Variants in FLT1 observed in about 807,000 individuals in gnomAD.
FLT1 encodes the protein vascular endothelial growth factor receptor 1.
A neutral mutation model predicts 156.3 loss-of-function variants in FLT1; 49 were observed. That is an observed-to-expected ratio of 0.31 (90% confidence interval 0.25 to 0.40). The LOEUF is 0.40. Among genes scored for constraint, FLT1 ranks in the 10% least tolerant of loss-of-function variants. FLT1 has a pLI of 1.00. For synonymous variants in FLT1, 594 were observed against 583.8 expected, an observed-to-expected ratio of 1.02 and a Z score of -0.25; for missense variants, 1,322 against 1,637.2, an observed-to-expected ratio of 0.81 and a Z score of 3.32.
At chr13:28,478,328 G>A (rs983540516) in intron 1 of FLT1, among the ~76,000 whole-genome samples, 1 of 152,148 alleles carries the variant, frequency 6.6e-6, no homozygotes, top group African/African-American at 2.4e-5. Context: ...ATTACAGTTT[G>A]GTCTATGTCC....
intron 13 of FLT1, chr13:28,386,048 C>A (rs1228020406): frequency 3.8e-6 from 4 of 1,053,482 alleles, no homozygotes; most frequent in Non-Finnish European, 4.6e-6. Flanking sequence ...AGAGTTTTGG[C>A]ATAACTGACA....
chr13:28,415,461 A>C (rs995764259), intron 10 of FLT1, among the ~76,000 whole-genome samples: 1 of 152,168 alleles, frequency 6.6e-6, no homozygotes, highest in African/African-American at 2.4e-5. Flanking sequence ...AGCCTGGGCA[A>C]CAACAGCAAA....
chr13:28,436,729 G>A (rs1435483063), intron 4 of FLT1, among the ~76,000 whole-genome samples: 1 of 152,126 alleles, frequency 6.6e-6, no homozygotes, highest in African/African-American at 2.4e-5. Flanking sequence ...TACAGTATTG[G>A]GTGTTAAACT....
At chr13:28,326,548 C>T (rs1362962592) in intron 20 of FLT1, among the ~76,000 whole-genome samples, 11 of 110,082 alleles carry the variant, frequency 1.0e-4, no homozygotes, top group Admixed American at 3.8e-4. Context: ...TTTTTTGAGA[C>T]GGAGTCTCAC....
intron 14 of FLT1, among the ~76,000 whole-genome samples, chr13:28,370,911 A>C (rs967840009): frequency 6.6e-6 from 1 of 152,148 alleles, no homozygotes; most frequent in African/African-American, 2.4e-5. Context: ...GACTCTAATG[A>C]CCATTTTAAG....
Position 28,317,522 on chromosome 13 carries a change from G to A in FLT1, c.3362C>T (p.Ala1121Val). The change falls in exon 25 of 30, where the codon GCT (alanine) becomes GTT (valine). Residue 1121 changes from alanine (A) to valine (V), a missense_variant. By Grantham distance (64) the Ala-to-Val change is moderately conservative. Coordinates refer to ENST00000282397, the MANE Select transcript of FLT1 (RefSeq NM_002019.4). ...SRLREGMRMRAPEYSTPEIYQ... is the reference protein window; with the variant it reads ...SRLREGMRMRVPEYSTPEIYQ... ...CATTTCAGGAGTAGAGTACTCAGGA[G>A]CTCTCATCCTCATGCCTTCCCTCAG... The A allele has an allele frequency of 6.2e-7, 1 of 1,612,824 alleles. No individual in the cohort carries two copies. Among genetic ancestry groups the A allele is most frequent in the South Asian group, 1.1e-5 (1 of 91,048 alleles).
intron 11 of FLT1, among the ~76,000 whole-genome samples, chr13:28,398,867 A>T (rs1386715912): frequency 6.6e-6 from 1 of 152,202 alleles, no homozygotes; most frequent in African/African-American, 2.4e-5. Flanking sequence ...TCATACAAAA[A>T]TTATTCTCTC....
In FLT1 at chr13:28,317,554, G is replaced by A. The variant is rs2138822530; in HGVS notation, c.3330C>T (p.Cys1110=). 1 of 1,613,980 alleles carries A rather than the reference G, an allele frequency of 6.2e-7. No homozygotes were observed. Among genetic ancestry groups the A allele is most frequent in the Non-Finnish European group, 8.5e-7 (1 of 1,179,862 alleles). Residue 1110 remains cysteine (C), a synonymous_variant, in exon 25 of 30, where the codon TGC becomes TGT. Coordinates refer to ENST00000282397, the MANE Select transcript of FLT1 (RefSeq NM_002019.4). ...YPGVQMDEDF[C]SRLREGMRMR... is the part of the protein sequence containing the mutation. ...TCCTCATGCCTTCCCTCAGGCGACT[G>A]CAAAAGTCCTCATCCATTTGTACTC... is the stretch of plus-strand genomic sequence containing the variant.
At chr13:28,438,605 T>C (rs1878169795) in intron 3 of FLT1, among the ~76,000 whole-genome samples, 1 of 152,176 alleles carries the variant, frequency 6.6e-6, no homozygotes, top group Admixed American at 6.5e-5. Flanking sequence ...ATATGCAATG[T>C]GGTATGGGGG....
At chr13:28,390,688 C>T (rs1211150796) in intron 12 of FLT1, among the ~76,000 whole-genome samples, 1 of 152,208 alleles carries the variant, frequency 6.6e-6, no homozygotes, top group East Asian at 1.9e-4. Flanking sequence ...TGAGCCACTG[C>T]ACCTGGCCTC....
rs776912246 is a variant in FLT1, at chr13:28,303,261, G to A, written c.3923C>T (p.Thr1308Ile). 6.2e-7 allele frequency: 1 copy of A among 1,614,022 alleles called. No homozygotes were observed. Among genetic ancestry groups the A allele is most frequent in the South Asian group, 1.1e-5 (1 of 91,074 alleles). ...CCTTTCCAGCTCAGCGTGGTCGTAG[G>A]TGAACCTGCGCTTGCCTTCGCTGAC... ...GHVSEGKRRF[T>I]YDHAELERKI... Residue 1308 changes from threonine (T) to isoleucine (I), a missense_variant, in exon 30 of 30, where the codon ACC (threonine) becomes ATC (isoleucine). Transcript: ENST00000282397.
chr13:28,321,489 T>C lies in FLT1; in HGVS notation c.3148A>G (p.Asn1050Asp). 1 of 1,614,148 alleles carries C rather than the reference T, an allele frequency of 6.2e-7. No homozygotes were observed. The highest frequency in any genetic ancestry group is 8.5e-7 in the Non-Finnish European group (1 of 1,179,978). Reference protein sequence around the residue: ...DFGLARDIYKNPDYVRKGDTR... With the variant: ...DFGLARDIYKDPDYVRKGDTR... ...TCTCCTTTTCTCACATAATCGGGGT[T>C]CTTATAAATATCCCGGGCAAGGCCA... Residue 1050 changes from asparagine to aspartate, a missense_variant, in exon 23 of 30, where the codon AAC becomes GAC. By Grantham distance (23) the Asn-to-Asp change is conservative (BLOSUM62 1). This residue lies in a region of FLT1 where 329 missense variants were observed against 366.2 expected (regional missense o/e 0.90). Transcript: ENST00000282397.
rs1309320492 is a variant in FLT1 at position 28,494,820 on chromosome 13, C to G, written c.24G>C (p.Gly8=). Residue 8 remains glycine (G), a synonymous_variant, in exon 1 of 30, where the codon GGG becomes GGC. Coordinates refer to ENST00000282397, the MANE Select transcript of FLT1 (RefSeq NM_002019.4). ...AGCTGAGCAGCGCGCACAGCAGGAC[C>G]CCGGTGTCCCAGTAGCTGACCATGG... The part of the protein sequence containing the change: MVSYWDT[G]VLLCALLSCL... The G allele has an allele frequency of 1.3e-6, 2 of 1,573,072 alleles. No homozygotes were observed. Among genetic ancestry groups the G allele is most frequent in the African/African-American group, 1.4e-5 (1 of 73,138 alleles).
intron 18 of FLT1, among the ~76,000 whole-genome samples, chr13:28,331,544 C>A (rs1047728303): frequency 6.6e-6 from 1 of 152,214 alleles, no homozygotes; most frequent in Admixed American, 6.5e-5. Flanking sequence ...GATTCTCCTG[C>A]CTCAGCCTCT....
At chr13:28,430,894 G>A (rs922379198) in intron 7 of FLT1, among the ~76,000 whole-genome samples, 3 of 152,026 alleles carry the variant, frequency 2.0e-5, no homozygotes, top group African/African-American at 4.8e-5. Flanking sequence ...GGTTCTAACC[G>A]AATTATTAGC....
At chr13:28,387,455 A>G in intron 13 of FLT1, 1 of 1,058,736 alleles carries the variant, frequency 9.4e-7, no homozygotes, top group Non-Finnish European at 1.1e-6. Flanking sequence ...TGGCTTTCCA[A>G]AATTTAACAG....
chr13:28,308,445 G>GTA, intron 28 of FLT1: 26 of 318,306 alleles, frequency 8.2e-5, no homozygotes, highest in Middle Eastern at 2.2e-3. Flanking sequence ...AGGCTTAGGT[G>GTA]GACCCCTCCC....
At chr13:28,384,290 C>T (rs1472023329) in intron 14 of FLT1, among the ~76,000 whole-genome samples, 1 of 151,756 alleles carries the variant, frequency 6.6e-6, no homozygotes, top group Non-Finnish European at 1.5e-5. Flanking sequence ...AAAAATTAGC[C>T]TGGCATGGTG....
intron 28 of FLT1, among the ~76,000 whole-genome samples, chr13:28,307,655 T>TG (rs1406918268): frequency 9.8e-5 from 6 of 61,516 alleles, no homozygotes; most frequent in African/African-American, 3.6e-4. Context: ...TTTTCGTTTT[T>TG]GATTTTTTTT....
Sources: gnomAD v4.1 joint callset for allele counts (sites outside exome capture counted in the v4.1 genomes callset) on GRCh38, gnomAD v4.1.1 for gene constraint, gnomAD v4.1.1 regional missense constraint, MANE v1.5 for transcripts, NCBI Gene and HGNC (gene_info 2026-07-23, HGNC 2026-07-21) for gene names.